GFRA2: variants seen among roughly 807,000 people sequenced by gnomAD.
GFRA2 encodes the protein GDNF family receptor alpha 2.
GFRA2 carries 17 observed loss-of-function variants against 48.3 expected under a neutral mutation model. The ratio of observed to expected loss-of-function variants is 0.35; its 90% CI spans 0.24 to 0.53. The LOEUF (loss-of-function observed/expected upper bound fraction) is 0.53, where lower values mean the gene tolerates loss of function less well. Among genes scored for constraint, GFRA2 ranks in the 20% least tolerant of loss-of-function variants. The pLI is 0.93. For missense variants in GFRA2, 660 were observed against 637.3 expected (o/e 1.04, Z -0.38); for synonymous variants, 305 against 257.2 (o/e 1.19, Z -1.78).
chr8:21,704,302 C>T (rs1802632039), intron 6 of GFRA2, among the ~76,000 whole-genome samples: 1 of 152,190 alleles, frequency 6.6e-6, no homozygotes, highest in African/African-American at 2.4e-5. Flanking sequence ...CCATCCTGGG[C>T]TCCTCAAGAA....
At chr8:21,769,309 C>A (rs752875252) in intron 3 of GFRA2, 3 of 207,530 alleles carry the variant, frequency 1.4e-5, no homozygotes, top group Non-Finnish European at 2.4e-5. Context: ...CGGCCAGGAT[C>A]CACCCCTTCT....
chr8:21,735,388 C>A (rs1804405261), intron 4 of GFRA2, among the ~76,000 whole-genome samples: 1 of 152,154 alleles, frequency 6.6e-6, no homozygotes, highest in African/African-American at 2.4e-5. Context: ...CAATCCACCC[C>A]TGCCAGGCCC....
At chr8:21,806,348 C>G (rs920426679) in intron 1 of GFRA2, among the ~76,000 whole-genome samples, 1 of 152,158 alleles carries the variant, frequency 6.6e-6, no homozygotes, top group African/African-American at 2.4e-5. Flanking sequence ...ATATTCAACA[C>G]TTTGTTATAA....
At chr8:21,713,330 G>A (rs1256226867) in intron 4 of GFRA2, among the ~76,000 whole-genome samples, 6 of 151,786 alleles carry the variant, frequency 4.0e-5, no homozygotes, top group African/African-American at 1.5e-4. Flanking sequence ...ACCGTAGCTG[G>A]GATTACAGGT....
Position 21,788,340 on chromosome 8 carries a change from G to C in GFRA2, c.-181C>G. 1 of 1,366,568 alleles carries C rather than the reference G, an allele frequency of 7.3e-7. No individual in the cohort carries two copies. Among genetic ancestry groups the C allele is most frequent in the Non-Finnish European group, 9.4e-7 (1 of 1,063,772 alleles). The allele number at this position is 1,366,568 out of a possible 1,614,324, so 84.7% of individuals were successfully genotyped here. A position where few individuals can be genotyped will look rare whatever the true frequency, so the allele number is the denominator to read the frequency against. On this transcript the variant is annotated 5_prime_UTR_variant, in exon 1 of 9. Transcript: ENST00000524240. ...GCGATTCTCGCCTCTGGCTGGAGGGGGTGGGGTGAGAGGCGGGCGATGGGC... is the reference window on the plus strand; with the variant it reads ...GCGATTCTCGCCTCTGGCTGGAGGGCGTGGGGTGAGAGGCGGGCGATGGGC...
chr8:21,734,913 C>T (rs1804375081), intron 4 of GFRA2, among the ~76,000 whole-genome samples: 1 of 152,220 alleles, frequency 6.6e-6, no homozygotes, highest in Non-Finnish European at 1.5e-5. Flanking sequence ...ACCTGCCTCC[C>T]ATTCTATTCA....
At position 21,797,478 on chromosome 8, in the gene GFRA2, A is replaced by G. The variant is rs1807698704; in HGVS notation, c.-36+7539T>C. 3 of 151,884 alleles carry G rather than the reference A, an allele frequency of 2.0e-5. 1 individual carries two copies. The South Asian group carries it at 6.2e-4, about 32-fold the overall frequency. The allele number at this position is 151,884 out of a possible 1,614,324, so 9.4% of individuals were successfully genotyped here. Reference sequence around the variant, plus strand: ...AGGTGCACACCTGGCCTGTGTTGACATTCGTGCCATTGAGCTGTTGGACTT... The same window carrying G: ...AGGTGCACACCTGGCCTGTGTTGACGTTCGTGCCATTGAGCTGTTGGACTT... On this transcript the variant is annotated intron_variant, in intron 2 of 10. Coordinates refer to the GFRA2 transcript ENST00000517328.
chr8:21,709,118 G>A (rs912890478), intron 4 of GFRA2, among the ~76,000 whole-genome samples: 16 of 152,130 alleles, frequency 1.1e-4, no homozygotes, highest in South Asian at 2.1e-4. Flanking sequence ...GAGCAAAGCC[G>A]CTGGTTCCCA....
intron 4 of GFRA2, among the ~76,000 whole-genome samples, chr8:21,739,874 G>A (rs1421380184): frequency 6.6e-6 from 1 of 152,220 alleles, no homozygotes; most frequent in Non-Finnish European, 1.5e-5. Flanking sequence ...TCTCTAAGGG[G>A]CTGGGCCATC....
intron 1 of GFRA2, among the ~76,000 whole-genome samples, chr8:21,805,928 C>A (rs1585355007): frequency 6.6e-6 from 1 of 152,198 alleles, no homozygotes; most frequent in South Asian, 2.1e-4. Flanking sequence ...GGCTGCAGGG[C>A]AGAAGGTTTG....
chr8:21,713,185 T>C (rs1170423154), intron 4 of GFRA2, among the ~76,000 whole-genome samples: 2 of 151,992 alleles, frequency 1.3e-5, no homozygotes, highest in East Asian at 1.9e-4. Context: ...CTCTGTTTTG[T>C]TCTGTTTTGT....
At chr8:21,793,495 T>G (rs1807615031), upstream of GFRA2, among the ~76,000 whole-genome samples, 1 of 152,106 alleles carries the variant, frequency 6.6e-6, no homozygotes, top group South Asian at 2.1e-4. Context: ...TCAGCCTTTG[T>G]CCTTGGAAAA....
chr8:21,700,199 G>A (rs780293115), intron 7 of GFRA2, among the ~76,000 whole-genome samples: 2 of 152,172 alleles, frequency 1.3e-5, no homozygotes, highest in Non-Finnish European at 2.9e-5. Context: ...CCCTGCTCTA[G>A]AGCCCAGTGG....
chr8:21,723,425 A>G (rs1803699553), intron 4 of GFRA2, among the ~76,000 whole-genome samples: 1 of 152,204 alleles, frequency 6.6e-6, no homozygotes, highest in Non-Finnish European at 1.5e-5. Context: ...CCAGGAAGAG[A>G]AGGAAGGCCA....
Position 21,788,811 on chromosome 8 carries a change from TC to T in GFRA2, c.-653del. On this transcript the variant is annotated 5_prime_UTR_variant, in exon 1 of 9. Transcript: ENST00000524240. ...GTGTGTCTCTGCGTGCGTGTGTCTT[TC>T]TCTCTCCTCTCTCTCTCTCTCCTCT... 1.0e-6 allele frequency: 1 copy of T among 984,686 alleles called. No homozygotes were observed. 61.0% of individuals were successfully genotyped at this position (984,686 alleles called of 1,614,324 possible).
In GFRA2 at chr8:21,750,671, G is replaced by A. The variant is rs973981150; in HGVS notation, c.711C>T (p.Ile237=). 1 of 1,613,778 alleles carries A rather than the reference G, an allele frequency of 6.2e-7. No individual in the cohort carries two copies. The highest frequency in any genetic ancestry group is 1.7e-5 in the Admixed American group (1 of 60,000). Residue 237 remains isoleucine, a synonymous_variant, in exon 4 of 9, where the codon ATC becomes ATT. Transcript: ENST00000524240. The surrounding 1 kb of genome is among the most constrained non-coding windows in gnomAD (Gnocchi z 5.7). Reference sequence around the variant, plus strand: ...TGTCCTCATAGGAGCAGCTGGGCAGGATGGTTTGCCGGCGGCGCTCAGCGC... The same window carrying A: ...TGTCCTCATAGGAGCAGCTGGGCAGAATGGTTTGCCGGCGGCGCTCAGCGC... ...QACAERRRQT[I]LPSCSYEDKE...
chr8:21,728,006 C>T (rs73669535), intron 4 of GFRA2, among the ~76,000 whole-genome samples: 109 of 152,188 alleles, frequency 7.2e-4, no homozygotes, highest in African/African-American at 2.3e-3. Context: ...GCAGGGGCGA[C>T]GTCAGAAAAT....
chr8:21,740,348 T>A (rs1804690181), intron 4 of GFRA2, among the ~76,000 whole-genome samples: 1 of 152,104 alleles, frequency 6.6e-6, no homozygotes, highest in Non-Finnish European at 1.5e-5. Context: ...CCCAGAAAGC[T>A]CTAACCAACC....
At chr8:21,789,824 C>T (rs1236313210), upstream of GFRA2, among the ~76,000 whole-genome samples, 1 of 152,116 alleles carries the variant, frequency 6.6e-6, no homozygotes, top group African/African-American at 2.4e-5. Flanking sequence ...GCCAGGGCGC[C>T]CTGACCACCT....
Sources: gnomAD v4.1 joint callset for allele counts (sites outside exome capture counted in the v4.1 genomes callset) on GRCh38, gnomAD v4.1.1 for gene constraint, Gnocchi (gnomAD v3.1) non-coding constraint, MANE v1.5 for transcripts, NCBI Gene and HGNC (gene_info 2026-07-23, HGNC 2026-07-21) for gene names.